GPC6: variants seen among roughly 807,000 people sequenced by gnomAD.
GPC6 encodes the protein glypican 6, also known as glypican-6.
A neutral mutation model predicts 55.2 loss-of-function variants in GPC6; 14 were observed. The ratio of observed to expected loss-of-function variants is 0.25; its 90% CI spans 0.17 to 0.40. The LOEUF (loss-of-function observed/expected upper bound fraction) is 0.40. Among genes scored for constraint, GPC6 ranks in the 10% least tolerant of loss-of-function variants. The pLI, the probability that GPC6 is intolerant of heterozygous loss-of-function variation, is 1.00. For missense variants in GPC6, 641 were observed against 708.5 expected (o/e 0.90, Z 1.08); for synonymous variants, 278 against 259.6 (o/e 1.07, Z -0.68).
chr13:93,354,389 T>G (rs554845125), intron 1 of GPC6, among the ~76,000 whole-genome samples: 8 of 145,198 alleles, frequency 5.5e-5, no homozygotes, highest in Admixed American at 4.3e-4. Context: ...CTCGCTGTAT[T>G]GCCCAGGTTG....
rs542350525 is a variant in GPC6 at position 94,009,725 on chromosome 13, G to T, written c.712-18004G>T. Among the ~76,000 whole-genome samples the T allele has an allele frequency of 2.5e-3, 379 of 152,240 alleles. 2 individuals carry two copies. Among genetic ancestry groups the T allele is most frequent in the African/African-American group, 8.3e-3 (344 of 41,546 alleles). ...TGTCTGTATTTAAAAACTAGATAGT[G>T]GCCTGAGGTCTACCACCTGTGGGCA... is the stretch of plus-strand genomic sequence containing the variant. On this transcript the variant is annotated intron_variant, in intron 3 of 8. Coordinates refer to ENST00000377047, the MANE Select transcript of GPC6 (RefSeq NM_005708.5).
At chr13:93,832,415 G>C (rs925134903) in intron 3 of GPC6, among the ~76,000 whole-genome samples, 1 of 151,954 alleles carries the variant, frequency 6.6e-6, no homozygotes, top group Non-Finnish European at 1.5e-5. Context: ...TGAAGCTTTT[G>C]ATTTTGTTGA....
chr13:93,749,770 A>G (rs1369564094), intron 2 of GPC6, among the ~76,000 whole-genome samples: 5 of 152,124 alleles, frequency 3.3e-5, no homozygotes, highest in African/African-American at 7.2e-5. Flanking sequence ...GCCAATAGCA[A>G]CCTATAAATT....
chr13:93,472,382 A>G (rs1879151193), intron 1 of GPC6, among the ~76,000 whole-genome samples: 2 of 152,150 alleles, frequency 1.3e-5, no homozygotes, highest in African/African-American at 2.4e-5. Context: ...TAAGTCATGG[A>G]GGTGTGGAGT....
intron 1 of GPC6, among the ~76,000 whole-genome samples, chr13:93,267,933 T>C (rs1877380354): frequency 1.3e-5 from 2 of 152,198 alleles, no homozygotes; most frequent in African/African-American, 4.8e-5. Context: ...TGTAGAGATA[T>C]ATGTTGCTGA....
intron 1 of GPC6, among the ~76,000 whole-genome samples, chr13:93,243,093 C>G (rs557361707): frequency 4.1e-4 from 63 of 152,164 alleles, no homozygotes; most frequent in Non-Finnish European, 7.5e-4. Context: ...GCAGCCCGCT[C>G]CAGTACTTGG....
At chr13:93,784,497 A>G (rs761192869) in intron 2 of GPC6, among the ~76,000 whole-genome samples, 16 of 152,184 alleles carry the variant, frequency 1.1e-4, no homozygotes, top group Non-Finnish European at 2.4e-4. Context: ...TTTTACACCC[A>G]TGGCTCTGCT....
At chr13:93,387,663 T>C (rs1339397395) in intron 1 of GPC6, among the ~76,000 whole-genome samples, 1 of 152,240 alleles carries the variant, frequency 6.6e-6, no homozygotes, top group African/African-American at 2.4e-5. Context: ...ACGATCTCTA[T>C]AGACATTCAG....
intron 3 of GPC6, among the ~76,000 whole-genome samples, chr13:93,942,089 GA>G (rs927044759): frequency 1.1e-4 from 17 of 152,110 alleles, no homozygotes; most frequent in African/African-American, 4.1e-4. Context: ...TACTACATAA[GA>G]AAAATTTTAT....
At chr13:93,829,258 A>G (rs578082678) in intron 2 of GPC6, among the ~76,000 whole-genome samples, 1 of 152,322 alleles carries the variant, frequency 6.6e-6, no homozygotes, top group Admixed American at 6.5e-5. Flanking sequence ...TTATTTGTGC[A>G]AAAGGATAGG....
chr13:93,721,765 A>C (rs1013289125), intron 2 of GPC6, among the ~76,000 whole-genome samples: 25 of 151,904 alleles, frequency 1.6e-4, no homozygotes, highest in African/African-American at 5.8e-4. Flanking sequence ...AATCAGCTTT[A>C]AGTAACTTAA....
chr13:93,738,222 A>G (rs1884067719), intron 2 of GPC6, among the ~76,000 whole-genome samples: 1 of 151,950 alleles, frequency 6.6e-6, no homozygotes, highest in Admixed American at 6.6e-5. Flanking sequence ...GTGGATATAT[A>G]CCTTATTATT....
intron 3 of GPC6, among the ~76,000 whole-genome samples, chr13:93,977,510 G>GTGTGTA (rs1466017029): frequency 7.4e-6 from 1 of 135,318 alleles, no homozygotes; most frequent in Non-Finnish European, 1.6e-5. Flanking sequence ...GTGTGTGTGT[G>GTGTGTA]TGTGTGTGGT....
chr13:93,910,061 T>G (rs926097684), intron 3 of GPC6, among the ~76,000 whole-genome samples: 2 of 150,038 alleles, frequency 1.3e-5, no homozygotes, highest in African/African-American at 4.9e-5. Context: ...GCTCGTGTGT[T>G]TGTGTGTGTG....
intron 3 of GPC6, among the ~76,000 whole-genome samples, chr13:93,851,701 G>T (rs1888407727): frequency 6.6e-6 from 1 of 151,698 alleles, no homozygotes. Flanking sequence ...ACAGCATTAT[G>T]TTTGTATTTA....
intron 3 of GPC6, among the ~76,000 whole-genome samples, chr13:93,972,496 G>A (rs567389837): frequency 2.0e-5 from 3 of 152,118 alleles, no homozygotes; most frequent in African/African-American, 7.2e-5. Context: ...GTGCTTTCAG[G>A]TTCCCCCCAC....
At chr13:93,264,707 AC>A (rs1264088564) in intron 1 of GPC6, among the ~76,000 whole-genome samples, 1 of 152,200 alleles carries the variant, frequency 6.6e-6, no homozygotes, top group Non-Finnish European at 1.5e-5. Flanking sequence ...TATCCTGTAT[AC>A]TTTAAATCAT....
intron 4 of GPC6, among the ~76,000 whole-genome samples, chr13:94,157,525 T>C (rs1247195426): frequency 6.6e-6 from 1 of 152,082 alleles, no homozygotes; most frequent in African/African-American, 2.4e-5. Flanking sequence ...CCAGGGAGTG[T>C]TCTCACAACA....
rs184227451 is a variant in GPC6, at chr13:93,288,948, T to C, written c.160+61332T>C. On this transcript the variant is annotated intron_variant, in intron 1 of 8. Coordinates refer to ENST00000377047, the MANE Select transcript of GPC6 (RefSeq NM_005708.5). ...TACAACCACAGGCCAGTTACAGTAA[T>C]TAAACAAGCAACTGAAGAGTTATGA... Among the ~76,000 whole-genome samples the C allele has an allele frequency of 1.5e-4, 23 of 152,224 alleles. No individual in the cohort carries two copies. The East Asian group carries it at 1.9e-3, about 13-fold the overall frequency.
Sources: gnomAD v4.1 joint callset for allele counts (sites outside exome capture counted in the v4.1 genomes callset) on GRCh38, gnomAD v4.1.1 for gene constraint, MANE v1.5 for transcripts, NCBI Gene and HGNC (gene_info 2026-07-23, HGNC 2026-07-21) for gene names.